The following UNC79 variants were observed in gnomAD, a reference collection of about 807,000 sequenced individuals.
The protein encoded by UNC79 is unc-79 subunit of NALCN channel complex.
UNC79 carries 37 observed loss-of-function variants against 283.1 expected under a neutral mutation model. That is an observed-to-expected ratio of 0.13 (90% CI 0.10 to 0.17). The LOEUF (loss-of-function observed/expected upper bound fraction) is 0.17. UNC79 is among the 10% of genes least tolerant of loss of function. The pLI is 1.00. For missense variants in UNC79, 2,272 were observed against 3,211.1 expected, an observed-to-expected ratio of 0.71 and a Z score of 7.07; for synonymous variants, 1,107 against 1,200.2, an observed-to-expected ratio of 0.92 and a Z score of 1.61.
intron 1 of UNC79, among the ~76,000 whole-genome samples, chr14:93,345,238 G>A (rs564405114): frequency 2.6e-5 from 4 of 152,120 alleles, no homozygotes; most frequent in Admixed American, 6.5e-5. Flanking sequence ...AGAACTGTAA[G>A]AAATACATTT....
intron 1 of UNC79, among the ~76,000 whole-genome samples, chr14:93,431,973 C>A (rs546331585): frequency 1.3e-5 from 2 of 152,292 alleles, no homozygotes; most frequent in African/African-American, 4.8e-5. Flanking sequence ...AAATAAAAGA[C>A]GTTTTTATTA....
intron 38 of UNC79, among the ~76,000 whole-genome samples, chr14:93,655,868 A>G (rs1429425820): frequency 6.6e-6 from 1 of 152,172 alleles, no homozygotes; most frequent in Admixed American, 6.5e-5. Context: ...CCCCTACACC[A>G]TACCATCTCC....
rs543482262 is a variant in UNC79, at chr14:93,400,090, C to T, written c.-351+66567C>T. 8.0e-4 allele frequency among the ~76,000 whole-genome samples: 122 copies of T among 152,280 alleles called. 2 individuals carry two copies. Among genetic ancestry groups the T allele is most frequent in the Middle Eastern group, 6.8e-3 (2 of 294 alleles). ...GCCATTGATATATCTGTGTTCTCCT[C>T]TTCCTATGACCAACTGGCTGATTCT... On this transcript the variant is annotated intron_variant, in intron 1 of 49. Transcript: ENST00000256339.
At chr14:93,515,765 A>G (rs1172696164) in intron 7 of UNC79, among the ~76,000 whole-genome samples, 2 of 152,054 alleles carry the variant, frequency 1.3e-5, no homozygotes, top group African/African-American at 2.4e-5. Context: ...ATTATATTGT[A>G]TGTTCAAAAT....
At chr14:93,476,783 A>G (rs1309783780) in intron 3 of UNC79, among the ~76,000 whole-genome samples, 1 of 152,212 alleles carries the variant, frequency 6.6e-6, no homozygotes, top group African/African-American at 2.4e-5. Flanking sequence ...TTCTAAAGCT[A>G]AATAGTTATG....
At chr14:93,441,098 G>A (rs767568370) in intron 1 of UNC79, among the ~76,000 whole-genome samples, 2 of 151,932 alleles carry the variant, frequency 1.3e-5, no homozygotes, top group Admixed American at 6.6e-5. Flanking sequence ...CTGCTTAATC[G>A]AAGTTATTAC....
chr14:93,388,500 C>A (rs1297576137), intron 1 of UNC79, among the ~76,000 whole-genome samples: 1 of 152,174 alleles, frequency 6.6e-6, no homozygotes, highest in Non-Finnish European at 1.5e-5. Flanking sequence ...TCCAAGATTT[C>A]TGCTAAATTG....
exon 24 of UNC79, chr14:93,597,464 C>T (rs1228956574): frequency 1.9e-6 from 3 of 1,614,048 alleles, no homozygotes; most frequent in Non-Finnish European, 2.5e-6. Flanking sequence ...TTCCTGACAG[C>T]AGTGGAGGAT....
intron 46 of UNC79, among the ~76,000 whole-genome samples, chr14:93,693,392 C>G (rs114960685): frequency 0.01 from 1,529 of 152,334 alleles, 27 homozygotes; most frequent in African/African-American, 0.034. Context: ...AGAAATACCT[C>G]TCCTCCAAAT....
At chr14:93,635,245 C>T (rs532794069) in intron 31 of UNC79, among the ~76,000 whole-genome samples, 18 of 152,308 alleles carry the variant, frequency 1.2e-4, no homozygotes, top group Admixed American at 5.9e-4. Flanking sequence ...TTTGTTACCA[C>T]GTTTTGTACG....
In UNC79 at chr14:93,575,208, G is replaced by A. The variant is rs763058087; in HGVS notation, c.2211+10G>A. Reference sequence around the variant, plus strand: ...CCTTGCATCTCGAAGGGTAATTATTGCCACATTTGTTCTTGTCTTGCTTTT... The same window carrying A: ...CCTTGCATCTCGAAGGGTAATTATTACCACATTTGTTCTTGTCTTGCTTTT... On this transcript the variant is annotated intron_variant, in intron 17 of 48. Transcript: ENST00000555664. The A allele has an allele frequency of 6.8e-6, 11 of 1,613,314 alleles. No homozygotes were observed. The South Asian group carries it at 9.9e-5, about 15-fold the overall frequency.
chr14:93,681,361 C>T (rs1226756562), intron 41 of UNC79, among the ~76,000 whole-genome samples: 1 of 152,202 alleles, frequency 6.6e-6, no homozygotes, highest in Non-Finnish European at 1.5e-5. Context: ...GGTTCCTTGG[C>T]CTCAGGAGGC....
chr14:93,697,413 G>A (rs563019800), intron 47 of UNC79, among the ~76,000 whole-genome samples: 1 of 152,214 alleles, frequency 6.6e-6, no homozygotes, highest in East Asian at 1.9e-4. Flanking sequence ...TGAGATTATA[G>A]GTGTGAGCCA....
intron 17 of UNC79, among the ~76,000 whole-genome samples, chr14:93,576,037 A>ACTTT (rs772280100): frequency 1.1e-4 from 16 of 152,212 alleles, no homozygotes; most frequent in Admixed American, 7.9e-4. Flanking sequence ...AACCATCTGT[A>ACTTT]CTTTCTTTCT....
intron 14 of UNC79, among the ~76,000 whole-genome samples, chr14:93,558,571 C>A (rs1157736766): frequency 1.1e-5 from 1 of 89,228 alleles, no homozygotes; most frequent in African/African-American, 4.9e-5. Flanking sequence ...AAAAAAAAAT[C>A]TTGTAGAGGA....
downstream of UNC79, chr14:93,707,595 CT>C (rs2075945325): frequency 6.6e-6 from 1 of 152,148 alleles, no homozygotes; most frequent in Admixed American, 6.5e-5. Context: ...AAATTTTATT[CT>C]TTTGTTAATA....
In UNC79 at chr14:93,493,888, T is replaced by C. The variant is rs1239034481; in HGVS notation, c.713-2523T>C. ...GGGAAGTGCCACATATATATATATA[T>C]ATATATATATATATTTTTTTTTTTT... On this transcript the variant is annotated intron_variant, in intron 5 of 48. Coordinates refer to ENST00000555664, the Ensembl canonical transcript of UNC79. Among the ~76,000 whole-genome samples, 48 of 66,352 alleles carry C rather than the reference T, an allele frequency of 7.2e-4. 1 individual carries two copies. The highest frequency in any genetic ancestry group is 2.4e-3 in the African/African-American group (46 of 18,800). 43.5% of individuals were successfully genotyped at this position (66,352 alleles called of 152,430 possible). A position where few individuals can be genotyped will look rare whatever the true frequency, so the allele number is the denominator to read the frequency against.
At chr14:93,422,934 G>A (rs1348469580) in intron 1 of UNC79, among the ~76,000 whole-genome samples, 1 of 151,642 alleles carries the variant, frequency 6.6e-6, no homozygotes, top group African/African-American at 2.4e-5. Flanking sequence ...GTGATGGTGG[G>A]CACCTGTAGT....
chr14:93,387,976 A>T (rs76538881), intron 1 of UNC79, among the ~76,000 whole-genome samples: 1 of 152,164 alleles, frequency 6.6e-6, no homozygotes, highest in East Asian at 1.9e-4. Flanking sequence ...CTTTCTTATT[A>T]CGTAGTGACC....
Sources: gnomAD v4.1 joint callset for allele counts (sites outside exome capture counted in the v4.1 genomes callset) on GRCh38, gnomAD v4.1.1 for gene constraint, MANE v1.5 for transcripts, NCBI Gene and HGNC (gene_info 2026-07-23, HGNC 2026-07-21) for gene names.